Variants in ANK3 observed in about 807,000 individuals in gnomAD.
ANK3 encodes ankyrin-3.
In ANK3, 57 loss-of-function variants were observed where a neutral mutation model predicts 370.9. The observed-to-expected ratio is 0.15, with a 90% CI of 0.12 to 0.19. ANK3 has a LOEUF of 0.19. Among genes scored for constraint, ANK3 ranks in the 10% least tolerant of loss-of-function variants. The pLI is 1.00. For synonymous variants in ANK3, 1,929 were observed against 1,946.3 expected (o/e 0.99, Z 0.23); for missense variants, 4,439 against 5,302.1 (o/e 0.84, Z 5.06).
chr10:60,306,406 G>T (rs2045098253), intron 1 of ANK3, among the ~76,000 whole-genome samples: 1 of 149,306 alleles, frequency 6.7e-6, no homozygotes, highest in African/African-American at 2.5e-5. Context: ...TTATGGCTGA[G>T]TAGTATTCCA....
At chr10:60,225,259 GTCC>G (rs1258383105) in intron 8 of ANK3, among the ~76,000 whole-genome samples, 6 of 152,004 alleles carry the variant, frequency 3.9e-5, no homozygotes, top group Non-Finnish European at 7.4e-5. Context: ...TTTGGACTGT[GTCC>G]TCATTTTTTT....
chr10:60,080,004 G>A (rs1004702259), intron 36 of ANK3, among the ~76,000 whole-genome samples: 2 of 152,022 alleles, frequency 1.3e-5, no homozygotes, highest in East Asian at 3.9e-4. Context: ...AGGAGGAGAG[G>A]AAGTGAGAGG....
At chr10:60,451,891 GTT>G (rs2064613800) in intron 2 of ANK3, among the ~76,000 whole-genome samples, 1 of 152,138 alleles carries the variant, frequency 6.6e-6, no homozygotes, top group Admixed American at 6.5e-5. Flanking sequence ...TATACCAAGG[GTT>G]TCCACTGTCT....
At chr10:60,640,893 T>C (rs1466078830) in intron 1 of ANK3, among the ~76,000 whole-genome samples, 1 of 82,832 alleles carries the variant, frequency 1.2e-5, no homozygotes, top group Non-Finnish European at 2.7e-5. Flanking sequence ...GAAAACCCCA[T>C]TGTCTCAGCC....
chr10:60,337,002 G>T (rs2053125770), intron 1 of ANK3, among the ~76,000 whole-genome samples: 1 of 149,268 alleles, frequency 6.7e-6, no homozygotes, highest in Admixed American at 6.8e-5. Flanking sequence ...GCTGCTCAGT[G>T]GCTTGTCATC....
At chr10:60,403,787 T>C (rs947484709) in intron 2 of ANK3, among the ~76,000 whole-genome samples, 3 of 152,092 alleles carry the variant, frequency 2.0e-5, no homozygotes, top group Non-Finnish European at 4.4e-5. Flanking sequence ...AGCCACAAGA[T>C]TGGAGAGGAA....
At position 60,166,667 on chromosome 10, in the gene ANK3, G is replaced by A; in HGVS notation, c.2552-14C>T. 6.2e-7 allele frequency: 1 copy of A among 1,612,818 alleles called. No homozygotes were observed. Among genetic ancestry groups the A allele is most frequent in the Non-Finnish European group, 8.5e-7 (1 of 1,178,996 alleles). On this transcript the variant is annotated splice_polypyrimidine_tract_variant and intron_variant, in intron 22 of 43. Transcript: ENST00000280772. Reference sequence around the variant, plus strand: ...TGGCTTTACGAACTGCATGATTGAAGTGAACAATATAAGTGGATGAAAAAT... The same window carrying A: ...TGGCTTTACGAACTGCATGATTGAAATGAACAATATAAGTGGATGAAAAAT...
intron 1 of ANK3, among the ~76,000 whole-genome samples, chr10:60,376,587 G>C (rs1185976600): frequency 1.3e-5 from 2 of 152,196 alleles, no homozygotes; most frequent in Non-Finnish European, 2.9e-5. Context: ...ATATGCTTTG[G>C]AGCAAGAGAA....
intron 2 of ANK3, among the ~76,000 whole-genome samples, chr10:60,509,489 T>C (rs1324713635): frequency 6.6e-6 from 1 of 152,146 alleles, no homozygotes; most frequent in Non-Finnish European, 1.5e-5. Context: ...AATAAAGATA[T>C]GTGTGCTTTG....
At chr10:60,503,397 G>A (rs950258502) in intron 2 of ANK3, among the ~76,000 whole-genome samples, 1 of 152,154 alleles carries the variant, frequency 6.6e-6, no homozygotes, top group Non-Finnish European at 1.5e-5. Flanking sequence ...ACTTTATATG[G>A]ATTGTCTCAC....
At chr10:60,138,291 A>C (rs114783916) in intron 24 of ANK3, among the ~76,000 whole-genome samples, 1 of 152,222 alleles carries the variant, frequency 6.6e-6, no homozygotes, top group Non-Finnish European at 1.5e-5. Flanking sequence ...CAAATTCTGC[A>C]CAAGGTTCTG....
intron 2 of ANK3, among the ~76,000 whole-genome samples, chr10:60,495,773 A>G (rs975777638): frequency 6.6e-6 from 1 of 152,208 alleles, no homozygotes; most frequent in South Asian, 2.1e-4. Context: ...TATAATATTA[A>G]GTGGGGCAAA....
At chr10:60,530,515 G>T (rs534157603) in intron 2 of ANK3, among the ~76,000 whole-genome samples, 3 of 151,862 alleles carry the variant, frequency 2.0e-5, no homozygotes, top group South Asian at 4.2e-4. Context: ...TAAGGCACTG[G>T]GGCTGACTAG....
At chr10:60,255,257 G>C (rs1006050389) in intron 7 of ANK3, among the ~76,000 whole-genome samples, 1 of 152,172 alleles carries the variant, frequency 6.6e-6, no homozygotes, top group African/African-American at 2.4e-5. Flanking sequence ...TACATTCATT[G>C]CCTTCTAGGT....
chr10:60,361,309 A>G (rs2058574185), intron 1 of ANK3, among the ~76,000 whole-genome samples: 1 of 152,236 alleles, frequency 6.6e-6, no homozygotes, highest in Admixed American at 6.5e-5. Context: ...ATACAATAGT[A>G]TGAGTGAACT....
chr10:60,445,168 T>C (rs939670499), intron 2 of ANK3, among the ~76,000 whole-genome samples: 4 of 152,180 alleles, frequency 2.6e-5, no homozygotes, highest in Non-Finnish European at 5.9e-5. Context: ...CTCACGCCTA[T>C]GCTTGAGCTC....
chr10:60,243,261 T>G (rs2097499881), intron 7 of ANK3, among the ~76,000 whole-genome samples: 1 of 152,230 alleles, frequency 6.6e-6, no homozygotes. Context: ...GGTTTGAATA[T>G]GCCCCCCTAA....
At chr10:60,035,669 C>T (rs1329523781) in intron 43 of ANK3, among the ~76,000 whole-genome samples, 4 of 151,380 alleles carry the variant, frequency 2.6e-5, no homozygotes, top group Non-Finnish European at 5.9e-5. Flanking sequence ...GAAGCCAAGG[C>T]TTTTGTTAAC....
At chr10:60,672,754 C>G (rs1262029413) in intron 1 of ANK3, among the ~76,000 whole-genome samples, 1 of 152,188 alleles carries the variant, frequency 6.6e-6, no homozygotes, top group Non-Finnish European at 1.5e-5. Context: ...TGATCAGAAG[C>G]ATAGGTGACA....
Sources: allele counts gnomAD v4.1 joint callset (sites outside exome capture counted in the v4.1 genomes callset), GRCh38; gene constraint gnomAD v4.1.1; transcripts MANE v1.5; gene names NCBI Gene and HGNC (gene_info 2026-07-23, HGNC 2026-07-21).